The following CCDC144A variants were observed in gnomAD, a reference collection of about 807,000 sequenced individuals.
CCDC144A encodes the protein coiled-coil domain containing 144A, also known as coiled-coil domain-containing protein 144A.
CCDC144A carries 41 observed loss-of-function variants against 143.8 expected under a neutral mutation model. That is an observed-to-expected ratio of 0.29 (90% CI 0.22 to 0.37). The LOEUF (loss-of-function observed/expected upper bound fraction) is 0.37. Ranked by LOEUF, CCDC144A falls within the 10% of genes least tolerant of loss-of-function variation. CCDC144A has a pLI of 1.00. For missense variants in CCDC144A, 637 were observed against 1,488.8 expected (o/e 0.43, Z 9.41); for synonymous variants, 242 against 517.9 (o/e 0.47, Z 7.23).
At chr17:16,671,142 A>T in the CCDC144A span, among the ~76,000 whole-genome samples, 1 of 151,762 alleles carries the variant, frequency 6.6e-6, no homozygotes, top group Non-Finnish European at 1.5e-5. Flanking sequence ...ACCCACCACC[A>T]CACCTAATTT....
Position 16,742,481 on chromosome 17 carries a change from T to C in CCDC144A, c.3372+6838T>C, listed in dbSNP as rs1361849677. 7.2e-5 allele frequency among the ~76,000 whole-genome samples: 11 copies of C among 152,292 alleles called. 1 individual carries two copies. In the East Asian group the frequency reaches 1.7e-3, roughly 24 times the overall value. On this transcript the variant is annotated intron_variant, in intron 12 of 16. Coordinates refer to ENST00000399273, the MANE Select transcript of CCDC144A (RefSeq NM_001382000.1). The stretch of plus-strand genomic sequence containing the variant: ...ATTGATCTGTTGATGAACATTTAGG[T>C]TGATTCTGTATCTTGGTTGTTGTGA...
At chr17:16,724,632 T>A (rs1255113264) in intron 8 of CCDC144A, among the ~76,000 whole-genome samples, 1 of 151,854 alleles carries the variant, frequency 6.6e-6, no homozygotes, top group Non-Finnish European at 1.5e-5. Context: ...GCTGATTTGC[T>A]GCTCCCTTGT....
intron 2 of CCDC144A, among the ~76,000 whole-genome samples, chr17:16,699,379 TTTG>T (rs908455112): frequency 6.7e-6 from 1 of 149,844 alleles, no homozygotes; most frequent in Non-Finnish European, 1.5e-5. Flanking sequence ...TTGGACTTTT[TTTG>T]TTGTTGTTGT....
At chr17:16,725,794 A>G (rs1054696487) in intron 8 of CCDC144A, among the ~76,000 whole-genome samples, 2 of 149,730 alleles carry the variant, frequency 1.3e-5, no homozygotes, top group African/African-American at 4.9e-5. Flanking sequence ...AAAAAAGAAA[A>G]TTGGAATAGT....
At chr17:16,678,289 A>G in the CCDC144A span, among the ~76,000 whole-genome samples, 1 of 152,066 alleles carries the variant, frequency 6.6e-6, no homozygotes. Context: ...AATAAAGGAA[A>G]ATCTTGAGTT....
At chr17:16,760,649 A>T (rs561312677) in intron 12 of CCDC144A, among the ~76,000 whole-genome samples, 145 of 122,608 alleles carry the variant, frequency 1.2e-3, no homozygotes, top group Admixed American at 1.9e-3. Context: ...TTTTTTCAAA[A>T]TGTATTAATT....
chr17:16,669,754 T>G, the CCDC144A span, among the ~76,000 whole-genome samples: 1 of 152,172 alleles, frequency 6.6e-6, no homozygotes, highest in African/African-American at 2.4e-5. Context: ...GATCAGACAA[T>G]TCACAGAAGC....
At chr17:16,690,781 G>T (rs772180090) in intron 1 of CCDC144A, 37 bp downstream of exon 1, 1 of 1,550,414 alleles carries the variant, frequency 6.4e-7, no homozygotes, top group Non-Finnish European at 8.7e-7. Context: ...TCCTGTCGGG[G>T]ACACTGGCTT....
chr17:16,737,407 C>T (rs1489762611), intron 12 of CCDC144A: 3 of 966,906 alleles, frequency 3.1e-6, no homozygotes, highest in Non-Finnish European at 4.1e-6. Context: ...ACCTCGTGAT[C>T]CGCCCGCCTC....
At chr17:16,772,231 A>C (rs1915848852) in intron 16 of CCDC144A, among the ~76,000 whole-genome samples, 1 of 152,170 alleles carries the variant, frequency 6.6e-6, no homozygotes, top group South Asian at 2.1e-4. Flanking sequence ...GCTTGAAAAA[A>C]ATAGCTCAAG....
At chr17:16,745,712 C>A in intron 12 of CCDC144A, 3 of 1,614,064 alleles carry the variant, frequency 1.9e-6, no homozygotes, top group Non-Finnish European at 2.5e-6. Context: ...CACACTCTCG[C>A]GCTCGGAAGT....
At chr17:16,696,037 C>CA (rs1911378822) in intron 2 of CCDC144A, among the ~76,000 whole-genome samples, 1 of 152,002 alleles carries the variant, frequency 6.6e-6, no homozygotes, top group Admixed American at 6.5e-5. Context: ...TTTTTTGAGA[C>CA]AAAGTCTCAC....
chr17:16,691,257 CA>C (rs1355441222), intron 1 of CCDC144A, among the ~76,000 whole-genome samples: 3 of 152,228 alleles, frequency 2.0e-5, no homozygotes, highest in African/African-American at 7.2e-5. Context: ...GGGTTCAGTT[CA>C]AATAATGTTG....
intron 8 of CCDC144A, among the ~76,000 whole-genome samples, chr17:16,721,996 G>A (rs1913118162): frequency 6.6e-6 from 1 of 152,112 alleles, no homozygotes; most frequent in African/African-American, 2.4e-5. Flanking sequence ...ATAGTGAAAG[G>A]AGACATTCCT....
chr17:16,692,503 G>C (rs1419751592), intron 1 of CCDC144A, among the ~76,000 whole-genome samples: 16 of 58,066 alleles, frequency 2.8e-4, no homozygotes, highest in African/African-American at 1.1e-3. Flanking sequence ...ATACACATTG[G>C]GTTTTATTTG....
chr17:16,670,800 T>C, the CCDC144A span, among the ~76,000 whole-genome samples: 1 of 151,872 alleles, frequency 6.6e-6, no homozygotes, highest in Admixed American at 6.6e-5. Context: ...TGAGCCACCA[T>C]CCCCCGCCCT....
intron 12 of CCDC144A, among the ~76,000 whole-genome samples, chr17:16,755,895 G>A (rs1440219302): frequency 6.6e-6 from 1 of 152,132 alleles, no homozygotes; most frequent in African/African-American, 2.4e-5. Context: ...GCTTTGCTAG[G>A]TATAATATTC....
At chr17:16,745,528 T>G in intron 12 of CCDC144A, 3 of 1,246,414 alleles carry the variant, frequency 2.4e-6, no homozygotes, top group Non-Finnish European at 2.3e-6. Flanking sequence ...AGCTTCCAGT[T>G]TCCTGGTAAG....
rs536443946 is a variant in CCDC144A, at chr17:16,700,446, A to G, written c.416-4705A>G. The stretch of plus-strand genomic sequence containing the variant: ...GTTCATAGTAAACCACATTTGCACA[A>G]ACAGTTTAGGCACAGTGAGCCACTC... On this transcript the variant is annotated intron_variant, in intron 2 of 16. Coordinates refer to ENST00000399273, the MANE Select transcript of CCDC144A (RefSeq NM_001382000.1). 2.5e-3 allele frequency among the ~76,000 whole-genome samples: 379 copies of G among 152,242 alleles called. 4 individuals carry two copies. Among genetic ancestry groups the G allele is most frequent in the South Asian group, 5.8e-3 (28 of 4,812 alleles).
Sources: allele counts gnomAD v4.1 joint callset (sites outside exome capture counted in the v4.1 genomes callset), GRCh38; gene constraint gnomAD v4.1.1; transcripts MANE v1.5; gene names NCBI Gene and HGNC (gene_info 2026-07-23, HGNC 2026-07-21).